The following LEKR1 variants were observed in gnomAD, a reference collection of about 807,000 sequenced individuals.
The protein encoded by LEKR1 is protein LEKR1.
LEKR1 carries 59 observed loss-of-function variants against 72.4 expected under a neutral mutation model. The ratio of observed to expected loss-of-function variants is 0.82; its 90% CI spans 0.66 to 1.01. The LOEUF (loss-of-function observed/expected upper bound fraction) is 1.01, where lower values mean the gene tolerates loss of function less well. LEKR1 is among the 50% of genes least tolerant of loss of function. LEKR1 has a pLI of 0.00. For synonymous variants in LEKR1, 257 were observed against 263.2 expected (o/e 0.98, Z 0.23); for missense variants, 728 against 759.2 (o/e 0.96, Z 0.48).
At chr3:156,967,019 G>A (rs577606474) in intron 6 of LEKR1, among the ~76,000 whole-genome samples, 1 of 152,204 alleles carries the variant, frequency 6.6e-6, no homozygotes, top group African/African-American at 2.4e-5. Flanking sequence ...GGCAAACAGG[G>A]TCTGGAGTGG....
chr3:157,028,060 T>A, intron 11 of LEKR1, 43 bp from the exon 12 acceptor site: 1 of 1,309,786 alleles, frequency 7.6e-7, no homozygotes, highest in Non-Finnish European at 1.1e-6. Context: ...TGTGGTTACC[T>A]AGAAACTATC....
At position 156,979,279 on chromosome 3, in the gene LEKR1, A is replaced by C. The variant is rs756604136; in HGVS notation, c.827+4A>C. On this transcript the variant is annotated splice_donor_region_variant and intron_variant, in intron 7 of 12. Transcript: ENST00000356539. ...ACAACTATAAAGAAATGCTTATGTAAGATGGAGAATATTAAACAACTTATA... is the reference window on the plus strand; with the variant it reads ...ACAACTATAAAGAAATGCTTATGTACGATGGAGAATATTAAACAACTTATA... The C allele has an allele frequency of 6.0e-5, 76 of 1,260,214 alleles. 1 individual carries two copies. The South Asian group carries it at 9.2e-4, about 15-fold the overall frequency. The allele number at this position is 1,260,214 out of a possible 1,614,324, so 78.1% of individuals were successfully genotyped here.
chr3:157,037,182 A>T (rs1160817999), intron 12 of LEKR1, among the ~76,000 whole-genome samples: 1 of 152,166 alleles, frequency 6.6e-6, no homozygotes, highest in African/African-American at 2.4e-5. Context: ...AAGTATAATG[A>T]TGTTATTTTG....
chr3:156,855,992 C>T (rs1278773605), intron 3 of LEKR1, among the ~76,000 whole-genome samples: 2 of 130,748 alleles, frequency 1.5e-5, no homozygotes, highest in Non-Finnish European at 3.1e-5. Flanking sequence ...AGACTTCATA[C>T]AATGAAAGCA....
chr3:156,952,286 G>A (rs1046091318), intron 6 of LEKR1, among the ~76,000 whole-genome samples: 12 of 151,364 alleles, frequency 7.9e-5, no homozygotes, highest in Admixed American at 1.3e-4. Context: ...CTAAATGGAG[G>A]CACATCGAAA....
At chr3:156,907,660 T>A (rs1024852189) in intron 3 of LEKR1, among the ~76,000 whole-genome samples, 1 of 152,108 alleles carries the variant, frequency 6.6e-6, no homozygotes, top group Non-Finnish European at 1.5e-5. Context: ...AAAAATAAGT[T>A]TAGATTTATA....
intron 3 of LEKR1, among the ~76,000 whole-genome samples, chr3:156,919,365 G>A (rs1419022692): frequency 7.8e-6 from 1 of 128,698 alleles, no homozygotes; most frequent in African/African-American, 4.0e-5. Context: ...TACGAGCATT[G>A]TTGTTCCTCC....
At chr3:156,860,081 CAG>C (rs1242903393) in intron 3 of LEKR1, among the ~76,000 whole-genome samples, 4 of 152,118 alleles carry the variant, frequency 2.6e-5, no homozygotes, top group Non-Finnish European at 4.4e-5. Context: ...TTCCACTTTT[CAG>C]AGTCTTTCTA....
intron 3 of LEKR1, among the ~76,000 whole-genome samples, chr3:156,882,406 C>T (rs1471804585): frequency 3.3e-5 from 5 of 152,228 alleles, no homozygotes; most frequent in South Asian, 2.1e-4. Flanking sequence ...AAAAAATGCT[C>T]ACCATCACTG....
At chr3:157,011,536 C>T in intron 10 of LEKR1, 30 bp downstream of exon 10, 1 of 1,457,138 alleles carries the variant, frequency 6.9e-7, no homozygotes, top group Non-Finnish European at 9.6e-7. Flanking sequence ...CATCAGCATG[C>T]AACCTATTTG....
chr3:156,956,062 A>T (rs531060686), intron 6 of LEKR1, among the ~76,000 whole-genome samples: 2 of 152,066 alleles, frequency 1.3e-5, no homozygotes, highest in South Asian at 4.2e-4. Context: ...TTCAAACAGT[A>T]AAGTAATTTA....
chr3:157,028,100 C>T lies in LEKR1; in HGVS notation c.1369-3C>T. On this transcript the variant is annotated splice_polypyrimidine_tract_variant and splice_region_variant and intron_variant, in intron 11 of 12. Coordinates refer to ENST00000356539, the MANE Select transcript of LEKR1 (RefSeq NM_001004316.3). The stretch of plus-strand genomic sequence containing the variant: ...ACAAGCTAATATGAGATTTATCTTA[C>T]AGATATCTGACTTAATCACAGGCGC... 6.5e-7 allele frequency: 1 copy of T among 1,547,750 alleles called. No homozygotes were observed. The highest frequency in any genetic ancestry group is 1.2e-5 in the South Asian group (1 of 80,476).
chr3:156,931,674 A>G lies in LEKR1; in HGVS notation c.559+4070A>G, dbSNP rs572580960. ...ATATATTCAGTGGGATATATAATGA[A>G]CTGCAGATAATGTGGTAGCATGGAT... On this transcript the variant is annotated intron_variant, in intron 5 of 12. Coordinates refer to ENST00000356539, the MANE Select transcript of LEKR1 (RefSeq NM_001004316.3). Among the ~76,000 whole-genome samples, 4 of 152,286 alleles carry G rather than the reference A, an allele frequency of 2.6e-5. No individual in the cohort carries two copies. In the South Asian group the frequency reaches 6.2e-4, roughly 24 times the overall value.
Position 157,018,143 on chromosome 3 carries a change from A to T in LEKR1, c.1204-6617A>T, listed in dbSNP as rs1470046563. ...GTTCATTCACCTAAAAACAGAGCTT[A>T]CAATTACATGAAGCAAAAACTGATA... On this transcript the variant is annotated intron_variant, in intron 10 of 12. Coordinates refer to ENST00000356539, the MANE Select transcript of LEKR1 (RefSeq NM_001004316.3). Among the ~76,000 whole-genome samples, 3 of 152,164 alleles carry T rather than the reference A, an allele frequency of 2.0e-5. No individual in the cohort carries two copies. In the East Asian group the frequency reaches 5.8e-4, roughly 29 times the overall value.
chr3:156,853,774 C>CA (rs946003909), intron 3 of LEKR1, among the ~76,000 whole-genome samples: 7 of 150,500 alleles, frequency 4.7e-5, no homozygotes, highest in East Asian at 1.9e-4. Context: ...AGTTTTTTAC[C>CA]AAAAAAAAGT....
chr3:156,949,143 G>A (rs981132950), intron 6 of LEKR1, among the ~76,000 whole-genome samples: 1 of 151,518 alleles, frequency 6.6e-6, no homozygotes, highest in African/African-American at 2.4e-5. Flanking sequence ...TTCTTTTGGT[G>A]TGCAGAAGTT....
chr3:157,032,294 C>T (rs1042112571), intron 12 of LEKR1, among the ~76,000 whole-genome samples: 2 of 152,050 alleles, frequency 1.3e-5, no homozygotes, highest in Admixed American at 1.3e-4. Context: ...ATACAATCAC[C>T]GAAGGACAAT....
At chr3:156,863,403 C>T (rs946774095) in intron 3 of LEKR1, among the ~76,000 whole-genome samples, 2 of 152,042 alleles carry the variant, frequency 1.3e-5, no homozygotes, top group African/African-American at 2.4e-5. Flanking sequence ...TCCCTCCACC[C>T]ATCTCCTTAC....
chr3:156,972,277 T>G, intron 6 of LEKR1, among the ~76,000 whole-genome samples: 1 of 146,270 alleles, frequency 6.8e-6, no homozygotes, highest in African/African-American at 2.5e-5. Context: ...CACTTATAGG[T>G]GGGAATTGAA....
Sources: allele counts gnomAD v4.1 joint callset (sites outside exome capture counted in the v4.1 genomes callset), GRCh38; gene constraint gnomAD v4.1.1; transcripts MANE v1.5; gene names NCBI Gene and HGNC (gene_info 2026-07-23, HGNC 2026-07-21).